The following NTM variants were observed in gnomAD, a reference collection of about 807,000 sequenced individuals.
The protein encoded by NTM is IgLON family member 2.
A neutral mutation model predicts 42.1 loss-of-function variants in NTM; 13 were observed. The observed-to-expected ratio is 0.31, with a 90% CI of 0.20 to 0.49. The LOEUF (loss-of-function observed/expected upper bound fraction) is 0.49. Ranked by LOEUF, NTM falls within the 20% of genes least tolerant of loss-of-function variation. The pLI is 0.99. For missense variants in NTM, 373 were observed against 452.8 expected, an observed-to-expected ratio of 0.82 and a Z score of 1.60; for synonymous variants, 187 against 179.2, an observed-to-expected ratio of 1.04 and a Z score of -0.35.
intron 1 of NTM, among the ~76,000 whole-genome samples, chr11:131,405,328 C>T (rs948620518): frequency 6.6e-5 from 10 of 152,194 alleles, no homozygotes; most frequent in African/African-American, 2.2e-4. Context: ...ATATGTGTTT[C>T]AAATGGAAAT....
intron 2 of NTM, among the ~76,000 whole-genome samples, chr11:131,973,989 G>A (rs991127815): frequency 2.6e-5 from 4 of 152,158 alleles, no homozygotes; most frequent in Admixed American, 6.5e-5. Flanking sequence ...TGGTGAGGAC[G>A]AAGACCTTTC....
intron 3 of NTM, among the ~76,000 whole-genome samples, chr11:132,177,221 T>C (rs142714347): frequency 1.5e-3 from 235 of 152,360 alleles, no homozygotes; most frequent in African/African-American, 5.2e-3. Flanking sequence ...TTACAATACA[T>C]GCATGATTCA....
chr11:131,646,569 T>G (rs2065798024), intron 1 of NTM, among the ~76,000 whole-genome samples: 1 of 152,236 alleles, frequency 6.6e-6, no homozygotes, highest in Non-Finnish European at 1.5e-5. Context: ...TCCAGATTTT[T>G]TATTGTGCTC....
chr11:131,924,022 G>A (rs577544119), intron 2 of NTM, among the ~76,000 whole-genome samples: 1 of 152,338 alleles, frequency 6.6e-6, no homozygotes, highest in Non-Finnish European at 1.5e-5. Flanking sequence ...CTCATACTTG[G>A]TGTTAGCCTT....
chr11:131,972,000 G>A (rs887091826), intron 2 of NTM, among the ~76,000 whole-genome samples: 14 of 136,040 alleles, frequency 1.0e-4, no homozygotes, highest in East Asian at 7.0e-4. Flanking sequence ...CTGAGATTGC[G>A]CCACTGCACT....
chr11:132,075,103 C>T (rs998985699), intron 2 of NTM, among the ~76,000 whole-genome samples: 2 of 152,088 alleles, frequency 1.3e-5, no homozygotes, highest in Non-Finnish European at 2.9e-5. Context: ...ACAAGTACTC[C>T]ATGATTCCAC....
At chr11:131,693,086 T>C (rs1343941392) in intron 1 of NTM, among the ~76,000 whole-genome samples, 2 of 151,604 alleles carry the variant, frequency 1.3e-5, no homozygotes, top group Non-Finnish European at 2.9e-5. Flanking sequence ...GTGGGGAGGG[T>C]TGGGACTGGG....
At chr11:132,165,119 C>A (rs2075060858) in intron 3 of NTM, among the ~76,000 whole-genome samples, 1 of 152,110 alleles carries the variant, frequency 6.6e-6, no homozygotes, top group Non-Finnish European at 1.5e-5. Flanking sequence ...ATCTTTATAT[C>A]CAACACCGGC....
chr11:132,042,291 G>A (rs1271211409), intron 2 of NTM, among the ~76,000 whole-genome samples: 1 of 152,140 alleles, frequency 6.6e-6, no homozygotes, highest in Non-Finnish European at 1.5e-5. Flanking sequence ...ATCAGTAGAA[G>A]AATGGCCCCA....
intron 1 of NTM, among the ~76,000 whole-genome samples, chr11:131,702,191 G>A (rs1303538000): frequency 6.6e-6 from 1 of 151,992 alleles, no homozygotes; most frequent in African/African-American, 2.4e-5. Flanking sequence ...CTTTCACCAG[G>A]GATCGGCCCA....
chr11:132,102,628 G>A (rs4491239), intron 2 of NTM, among the ~76,000 whole-genome samples: 107,791 of 152,116 alleles, frequency 0.71, 38,948 homozygotes, highest in African/African-American at 0.78. Flanking sequence ...TTTCCACAGT[G>A]TGGAAGAGTT....
At chr11:131,598,360 G>A (rs2059992005) in intron 1 of NTM, among the ~76,000 whole-genome samples, 2 of 152,222 alleles carry the variant, frequency 1.3e-5, no homozygotes, top group African/African-American at 4.8e-5. Flanking sequence ...GTTTGGAAAT[G>A]ATAAACAAAA....
At chr11:132,287,420 C>T (rs1017596885) in intron 4 of NTM, among the ~76,000 whole-genome samples, 27 of 152,182 alleles carry the variant, frequency 1.8e-4, no homozygotes, top group African/African-American at 6.5e-4. Flanking sequence ...TTATCCAGCT[C>T]ATGTCATGCA....
chr11:131,614,254 G>C (rs928019456), intron 1 of NTM, among the ~76,000 whole-genome samples: 1 of 152,160 alleles, frequency 6.6e-6, no homozygotes, highest in Non-Finnish European at 1.5e-5. Context: ...TCTACTTCTA[G>C]GATCATCCCT....
At chr11:131,425,780 G>A (rs1342885963) in intron 1 of NTM, among the ~76,000 whole-genome samples, 1 of 152,140 alleles carries the variant, frequency 6.6e-6, no homozygotes, top group African/African-American at 2.4e-5. Context: ...GATATAAAGA[G>A]TTTGGGGGTA....
chr11:131,690,901 T>C (rs1033258379), intron 1 of NTM, among the ~76,000 whole-genome samples: 3 of 152,090 alleles, frequency 2.0e-5, no homozygotes, highest in African/African-American at 7.2e-5. Context: ...GAGAGAAATG[T>C]CAAGGGGCGG....
intron 1 of NTM, among the ~76,000 whole-genome samples, chr11:131,772,227 G>A (rs1447480772): frequency 2.0e-5 from 3 of 152,114 alleles, no homozygotes; most frequent in South Asian, 2.1e-4. Context: ...TATAACACAC[G>A]TTCATTGTTA....
intron 1 of NTM, among the ~76,000 whole-genome samples, chr11:131,550,361 C>G (rs1464221807): frequency 1.3e-5 from 2 of 152,096 alleles, no homozygotes; most frequent in Non-Finnish European, 2.9e-5. Context: ...TGTCGCTGCC[C>G]AAATCTCATG....
intron 4 of NTM, among the ~76,000 whole-genome samples, chr11:132,216,484 AACAAG>A (rs2083889409): frequency 6.6e-6 from 1 of 152,180 alleles, no homozygotes; most frequent in African/African-American, 2.4e-5. Context: ...TCTGTCATCA[AACAAG>A]ACACTGACAA....
Sources: gnomAD v4.1 joint callset for allele counts (sites outside exome capture counted in the v4.1 genomes callset) on GRCh38, gnomAD v4.1.1 for gene constraint, MANE v1.5 for transcripts, NCBI Gene and HGNC (gene_info 2026-07-23, HGNC 2026-07-21) for gene names.